Variants in KIFC2 observed in about 807,000 individuals in gnomAD.
The protein encoded by KIFC2 is kinesin-like protein KIFC2.
KIFC2 carries 94 observed loss-of-function variants against 91.5 expected under a neutral mutation model. That is an observed-to-expected ratio of 1.03 (90% CI 0.87 to 1.22). The LOEUF (loss-of-function observed/expected upper bound fraction) is 1.22. Among genes scored for constraint, KIFC2 ranks in the 50% most tolerant of loss-of-function variants. The pLI is 0.00. For missense variants in KIFC2, 1,357 were observed against 1,103.3 expected, an observed-to-expected ratio of 1.23 and a Z score of -3.26; for synonymous variants, 729 against 503.9, an observed-to-expected ratio of 1.45 and a Z score of -5.98.
At chr8:144,468,058 G>T in intron 7 of KIFC2, 71 bp downstream of exon 7, 1 of 1,462,812 alleles carries the variant, frequency 6.8e-7, no homozygotes, top group South Asian at 1.4e-5. Context: ...CAGCCACAGG[G>T]CCCGAGCCTC....
At chr8:144,466,204 CG>C, upstream of KIFC2, 1 of 180,618 alleles carries the variant, frequency 5.5e-6, no homozygotes, top group Non-Finnish European at 1.1e-5. Flanking sequence ...TGGGGCGCGC[CG>C]GGCGGCGCCG....
At chr8:144,469,672 C>G (rs908324170) in intron 12 of KIFC2, 25 bp downstream of exon 12, 28 of 1,561,822 alleles carry the variant, frequency 1.8e-5, no homozygotes, top group Non-Finnish European at 2.2e-5. Context: ...TTGCAGCCAT[C>G]CTGACCCTTT....
rs760070643 is a variant in KIFC2, at chr8:144,472,314, G to A, written c.1608-47G>A. ...CCCACCCCTGGCCCAGGGCCCTTCC[G>A]GATTTCCAGAGAATTCTGGAACCAA... On this transcript the variant is annotated intron_variant, in intron 14 of 17. Transcript: ENST00000645548. 3.1e-6 allele frequency: 5 copies of A among 1,613,456 alleles called. No homozygotes were observed. The South Asian group carries it at 5.5e-5, about 18-fold the overall frequency.
chr8:144,469,557 C>A lies in KIFC2; in HGVS notation c.1290C>A (p.Gly430=), dbSNP rs746338408. 3.1e-6 allele frequency: 5 copies of A among 1,613,608 alleles called. No individual in the cohort carries two copies. In the African/African-American group the frequency reaches 6.7e-5, roughly 22 times the overall value. ...TSSSLVSVEP[G]PGGTVTTCYR... ...CTAGCCTTGTGAGTGTGGAGCCTGG[C>A]CCAGGGGGCACCGTCACCACCTGCT... is the stretch of plus-strand genomic sequence containing the variant. Residue 430 remains glycine (G), a synonymous_variant, in exon 12 of 18, where the codon GGC becomes GGA. Transcript: ENST00000645548.
In KIFC2 at chr8:144,467,228, C is replaced by T; in HGVS notation, c.356C>T (p.Thr119Ile). Residue 119 changes from threonine (T) to isoleucine (I), a missense_variant, in exon 4 of 18, where the codon ACA becomes ATA. Coordinates refer to ENST00000645548, the MANE Select transcript of KIFC2 (RefSeq NM_001369769.2). Reference sequence around the variant, plus strand: ...TCTGGCGAGGTCCCCTCACTGTTGACAGTGACCAGTCAGCTCTTGGCCCTT... The same window carrying T: ...TCTGGCGAGGTCCCCTCACTGTTGATAGTGACCAGTCAGCTCTTGGCCCTT... ...GQSGEVPSLLTVTSQLLALLA... is the reference protein window; with the variant it reads ...GQSGEVPSLLIVTSQLLALLA... 1 of 1,613,708 alleles carries T rather than the reference C, an allele frequency of 6.2e-7. No individual in the cohort carries two copies. Among genetic ancestry groups the T allele is most frequent in the South Asian group, 1.1e-5 (1 of 91,088 alleles).
Position 144,473,894 on chromosome 8 carries a change from T to C in KIFC2, c.*505T>C. On this transcript the variant is annotated 3_prime_UTR_variant, in exon 18 of 18. Coordinates refer to ENST00000645548, the MANE Select transcript of KIFC2 (RefSeq NM_001369769.2). ...GCTGGATCCACCACTGGGCTCTCCCTCCCCCAGCCTGGAGCACGGGAGGGG... is the reference window on the plus strand; with the variant it reads ...GCTGGATCCACCACTGGGCTCTCCCCCCCCCAGCCTGGAGCACGGGAGGGG... 2.5e-6 allele frequency: 1 copy of C among 405,146 alleles called. No homozygotes were observed. The highest frequency in any genetic ancestry group is 4.1e-5 in the Admixed American group (1 of 24,202). The allele number at this position is 405,146 out of a possible 1,614,324, so 25.1% of individuals were successfully genotyped here.
intron 10 of KIFC2, 88 bp from the exon 11 acceptor site, chr8:144,469,183 C>T (rs944646137): frequency 1.4e-5 from 16 of 1,111,254 alleles, no homozygotes; most frequent in Non-Finnish European, 2.1e-5. Flanking sequence ...CCTGTGGGGG[C>T]TCCCTGCTGC....
rs1340063707 is a variant in KIFC2, at chr8:144,466,948, C to G, written c.179-11C>G. The G allele has an allele frequency of 3.8e-6, 6 of 1,589,036 alleles. No homozygotes were observed. In the African/African-American group the frequency reaches 8.0e-5, roughly 21 times the overall value. ...CCCGAAATGTCTCCCGCCCTCCTCC[C>G]TGACCGGCAGCCAGCTCCGAGCCTG... On this transcript the variant is annotated splice_polypyrimidine_tract_variant and intron_variant, in intron 2 of 17. Coordinates refer to ENST00000645548, the MANE Select transcript of KIFC2 (RefSeq NM_001369769.2).
Position 144,466,491 on chromosome 8 carries a change from G to C in KIFC2, c.72G>C (p.Ala24=). The C allele has an allele frequency of 7.6e-7, 1 of 1,321,490 alleles. No individual in the cohort carries two copies. The highest frequency in any genetic ancestry group is 9.7e-7 in the Non-Finnish European group (1 of 1,027,882). The allele number at this position is 1,321,490 out of a possible 1,614,324, so 81.9% of individuals were successfully genotyped here. ...SLFRRDGGAA[A]AAEPGDPAQR... ...TCCGCAGGGATGGTGGCGCCGCGGC[G>C]GCCGCGGAGCCCGGGGACCCCGCCC... Residue 24 remains alanine, a synonymous_variant, in exon 1 of 18, where the codon GCG becomes GCC. Coordinates refer to ENST00000645548, the MANE Select transcript of KIFC2 (RefSeq NM_001369769.2).
intron 8 of KIFC2, 63 bp downstream of exon 8, chr8:144,468,469 C>T (rs1021313207): frequency 2.3e-6 from 3 of 1,289,308 alleles, no homozygotes; most frequent in South Asian, 1.2e-5. Context: ...TTGGGAGGGG[C>T]TTATCTGAGG....
Position 144,467,980 on chromosome 8 carries a change from C to T in KIFC2, c.803C>T (p.Ala268Val). 1 of 1,563,794 alleles carries T rather than the reference C, an allele frequency of 6.4e-7. No homozygotes were observed. The highest frequency in any genetic ancestry group is 8.6e-7 in the Non-Finnish European group (1 of 1,161,312). Residue 268 changes from alanine (A) to valine (V), a missense_variant, in exon 7 of 18, where the codon GCT becomes GTT. Transcript: ENST00000645548. ...TGGGGCCCCGGGCCCCCCATCAGGG[C>T]TCCGCAGGTACTCTGCTCCCGAGCT... ...LHWGPGPPIR[A>V]PQEEAEALLE...
chr8:144,466,998 A>G lies in KIFC2; in HGVS notation c.218A>G (p.Glu73Gly). ...EPEDGSEGAAEGRAAAVSLEE... is the reference protein window; with the variant it reads ...EPEDGSEGAAGGRAAAVSLEE... Reference sequence around the variant, plus strand: ...GAGGATGGGTCGGAAGGCGCAGCCGAGGGCCGCGCGGCCGCGGTGTCCCTG... The same window carrying G: ...GAGGATGGGTCGGAAGGCGCAGCCGGGGGCCGCGCGGCCGCGGTGTCCCTG... Residue 73 changes from glutamate (E) to glycine (G), a missense_variant, in exon 3 of 18, where the codon GAG becomes GGG. By Grantham distance (98) the Glu-to-Gly change is moderately conservative. Transcript: ENST00000645548. 3 of 1,597,696 alleles carry G rather than the reference A, an allele frequency of 1.9e-6. No homozygotes were observed. Among genetic ancestry groups the G allele is most frequent in the Non-Finnish European group, 2.6e-6 (3 of 1,176,326 alleles).
Position 144,467,125 on chromosome 8 carries a change from G to T in KIFC2, c.330+15G>T, listed in dbSNP as rs370445562. 758 of 1,608,234 alleles carry T rather than the reference G, an allele frequency of 4.7e-4. 3 individuals are homozygous for T. The highest frequency in any genetic ancestry group is 4.2e-3 in the Middle Eastern group (25 of 6,012). On this transcript the variant is annotated intron_variant, in intron 3 of 17. Coordinates refer to ENST00000645548, the MANE Select transcript of KIFC2 (RefSeq NM_001369769.2). ...ACCTGGGCCAGGTGAGCGCGGCGGA[G>T]GGGGCTGCTGGCAGGTACCACCTGC...
At chr8:144,468,029 C>T in intron 7 of KIFC2, 42 bp downstream of exon 7, 1 of 1,495,080 alleles carries the variant, frequency 6.7e-7, no homozygotes, top group Non-Finnish European at 8.9e-7. Flanking sequence ...CAGCCTGGGG[C>T]TCTTGCACAC....
Position 144,469,793 on chromosome 8 carries a change from A to AG in KIFC2, c.1380+151dup, listed in dbSNP as rs996681805. On this transcript the variant is annotated intron_variant, in intron 12 of 17. Coordinates refer to ENST00000645548, the MANE Select transcript of KIFC2 (RefSeq NM_001369769.2). Reference sequence around the variant, plus strand: ...TCTAGCCAGGAAGGAAAGGGAACCGAGGGGGCTGGGAAGCAGGGCAGGCAG... The same window carrying AG: ...TCTAGCCAGGAAGGAAAGGGAACCGAGGGGGGCTGGGAAGCAGGGCAGGCAG... The AG allele has an allele frequency of 7.5e-6, 8 of 1,065,164 alleles. No homozygotes were observed. In the African/African-American group the frequency reaches 9.6e-5, roughly 13 times the overall value. 66.0% of individuals were successfully genotyped at this position (1,065,164 alleles called of 1,614,324 possible).
At chr8:144,470,832 A>C (rs1232800755) in intron 12 of KIFC2, among the ~76,000 whole-genome samples, 1 of 152,236 alleles carries the variant, frequency 6.6e-6, no homozygotes, top group Non-Finnish European at 1.5e-5. Context: ...GTGCACTGCC[A>C]CAAGTGTTCA....
chr8:144,469,814 G>A (rs1003888739), intron 12 of KIFC2, among the ~76,000 whole-genome samples, 167 bp downstream of exon 12: 5 of 152,268 alleles, frequency 3.3e-5, no homozygotes, highest in Non-Finnish European at 5.9e-5. Context: ...AAGCAGGGCA[G>A]GCAGCCCAGC....
chr8:144,470,878 A>G (rs1824897902), intron 12 of KIFC2, among the ~76,000 whole-genome samples: 1 of 152,212 alleles, frequency 6.6e-6, no homozygotes, highest in South Asian at 2.1e-4. Flanking sequence ...CTCTCAGGGG[A>G]AAGTGAGGCA....
In KIFC2 at chr8:144,468,589, C is replaced by T. The variant is rs1204042714; in HGVS notation, c.942C>T (p.Leu314=). ...GCCTTCAAGGGGCCCTCCAGCAGCT[C>T]CAGCAGGAGACGGAGCAGAACTGCA... ...LQGLQGALQQ[L]QQETEQNCRR... The change falls in exon 9 of 18, where the codon CTC becomes CTT. Residue 314 remains leucine, a synonymous_variant. Transcript: ENST00000645548. 3.1e-6 allele frequency: 5 copies of T among 1,611,666 alleles called. No individual in the cohort carries two copies. The highest frequency in any genetic ancestry group is 2.2e-5 in the South Asian group (2 of 90,906).
Sources: gnomAD v4.1 joint callset for allele counts (sites outside exome capture counted in the v4.1 genomes callset) on GRCh38, gnomAD v4.1.1 for gene constraint, MANE v1.5 for transcripts, NCBI Gene and HGNC (gene_info 2026-07-23, HGNC 2026-07-21) for gene names.